MEGF9: variants seen among roughly 807,000 people sequenced by gnomAD.
MEGF9 encodes multiple EGF like domains 9, also known as multiple epidermal growth factor-like domains protein 9.
In MEGF9, 6 loss-of-function variants were observed where a neutral mutation model predicts 46.8. The observed-to-expected ratio is 0.13, with a 90% CI of 0.07 to 0.25. The LOEUF (loss-of-function observed/expected upper bound fraction) is 0.25. Among genes scored for constraint, MEGF9 ranks in the 10% least tolerant of loss-of-function variants. The pLI is 1.00. For missense variants in MEGF9, 683 were observed against 792.4 expected, an observed-to-expected ratio of 0.86 and a Z score of 1.66; for synonymous variants, 302 against 330.7, an observed-to-expected ratio of 0.91 and a Z score of 0.94.
chr9:120,694,061 G>T (rs2043863548), intron 1 of MEGF9, among the ~76,000 whole-genome samples: 1 of 152,162 alleles, frequency 6.6e-6, no homozygotes, highest in East Asian at 1.9e-4. Flanking sequence ...ACAGATATAT[G>T]ATATGGACAG....
intron 2 of MEGF9, among the ~76,000 whole-genome samples, chr9:120,649,349 A>G (rs559509236): frequency 2.6e-5 from 4 of 152,310 alleles, no homozygotes; most frequent in Admixed American, 2.6e-4. Context: ...GGAAGCTACT[A>G]TCTGTGTGGA....
intron 3 of MEGF9, among the ~76,000 whole-genome samples, chr9:120,618,883 G>A (rs1468611293): frequency 6.7e-6 from 1 of 149,544 alleles, no homozygotes; most frequent in Admixed American, 6.7e-5. Context: ...TGGTGACAGA[G>A]CAAGACTCGG....
Position 120,639,470 on chromosome 9 carries a change from T to C in MEGF9, c.804-16715A>G, listed in dbSNP as rs186276836. ...TTGCAATGAGCCGAGATTGTGCCAC[T>C]GCACTCCAGCCTGGGTGACAGAGTG... On this transcript the variant is annotated intron_variant, in intron 2 of 5. Transcript: ENST00000373930. 9.4e-5 allele frequency among the ~76,000 whole-genome samples: 13 copies of C among 137,868 alleles called. No individual in the cohort carries two copies. The East Asian group carries it at 2.7e-3, about 29-fold the overall frequency. 90.4% of individuals were successfully genotyped at this position (137,868 alleles called of 152,430 possible). A position where few individuals can be genotyped will look rare whatever the true frequency, so the allele number is the denominator to read the frequency against.
chr9:120,610,072 T>C lies in MEGF9; in HGVS notation c.1088-2062A>G, dbSNP rs148522741. Among the ~76,000 whole-genome samples, 32 of 152,256 alleles carry C rather than the reference T, an allele frequency of 2.1e-4. No homozygotes were observed. In the East Asian group the frequency reaches 5.8e-3, roughly 28 times the overall value. Reference sequence around the variant, plus strand: ...TGTGATCTCAAGTAAGTTACTAAACTCTGGGCCTCAGCTTTCCATATTTCA... The same window carrying C: ...TGTGATCTCAAGTAAGTTACTAAACCCTGGGCCTCAGCTTTCCATATTTCA... On this transcript the variant is annotated intron_variant, in intron 4 of 5. Coordinates refer to ENST00000373930, the MANE Select transcript of MEGF9 (RefSeq NM_001080497.3).
intron 1 of MEGF9, among the ~76,000 whole-genome samples, chr9:120,683,881 T>C (rs1336802476): frequency 6.6e-6 from 1 of 150,622 alleles, no homozygotes; most frequent in Non-Finnish European, 1.5e-5. Flanking sequence ...ACAACAGGAG[T>C]GAGACCCTGC....
At chr9:120,625,853 A>AGAAAG (rs35143977) in intron 2 of MEGF9, among the ~76,000 whole-genome samples, 593 of 105,356 alleles carry the variant, frequency 5.6e-3, no homozygotes, top group South Asian at 9.4e-3. Flanking sequence ...AAAAAAAAAA[A>AGAAAG]AAAGAAAGAA....
chr9:120,666,741 T>G (rs181960022), intron 1 of MEGF9, among the ~76,000 whole-genome samples: 27 of 152,284 alleles, frequency 1.8e-4, no homozygotes, highest in Admixed American at 5.2e-4. Flanking sequence ...AACCTGGAAA[T>G]CACCCAAATG....
At chr9:120,697,405 CA>C (rs1391117833) in intron 1 of MEGF9, among the ~76,000 whole-genome samples, 1 of 151,478 alleles carries the variant, frequency 6.6e-6, no homozygotes, top group African/African-American at 2.4e-5. Context: ...TTTATATAAT[CA>C]AACGTCATCT....
chr9:120,683,617 G>A (rs1000475356), intron 1 of MEGF9, among the ~76,000 whole-genome samples: 2 of 152,220 alleles, frequency 1.3e-5, no homozygotes, highest in African/African-American at 4.8e-5. Context: ...GTGGAACTGT[G>A]AGTCAATTAA....
intron 1 of MEGF9, among the ~76,000 whole-genome samples, chr9:120,685,947 T>C (rs1403993527): frequency 6.6e-6 from 1 of 152,222 alleles, no homozygotes; most frequent in East Asian, 1.9e-4. Context: ...GTCACTGTGT[T>C]AAGTGAAATA....
In MEGF9 at chr9:120,667,604, C is replaced by T. The variant is rs373995014; in HGVS notation, c.602-8029G>A. Among the ~76,000 whole-genome samples the T allele has an allele frequency of 1.4e-3, 219 of 152,240 alleles. 1 individual carries two copies. Among genetic ancestry groups the T allele is most frequent in the African/African-American group, 5.0e-3 (209 of 41,534 alleles). On this transcript the variant is annotated intron_variant, in intron 1 of 5. Transcript: ENST00000373930. Reference sequence around the variant, plus strand: ...AAGAACTTCACCCATTTTCACAAGCCTAGGATTGGATCCACAAAAATTACA... The same window carrying T: ...AAGAACTTCACCCATTTTCACAAGCTTAGGATTGGATCCACAAAAATTACA...
At chr9:120,670,199 C>T (rs1038263747) in intron 1 of MEGF9, among the ~76,000 whole-genome samples, 2 of 152,142 alleles carry the variant, frequency 1.3e-5, no homozygotes, top group Admixed American at 6.5e-5. Context: ...TGGATTCAAG[C>T]GATTCTCCTG....
chr9:120,685,566 A>T (rs1039913754), intron 1 of MEGF9, among the ~76,000 whole-genome samples: 2 of 152,168 alleles, frequency 1.3e-5, no homozygotes, highest in East Asian at 3.8e-4. Context: ...TTCACTTCTG[A>T]TTTCATACAT....
At chr9:120,701,912 C>G (rs772937090) in intron 1 of MEGF9, among the ~76,000 whole-genome samples, 22 of 151,920 alleles carry the variant, frequency 1.4e-4, no homozygotes, top group Non-Finnish European at 2.9e-4. Context: ...GTGTGGTGGC[C>G]GGCGCCTGTA....
At chr9:120,625,940 T>C (rs569701934) in intron 2 of MEGF9, among the ~76,000 whole-genome samples, 1 of 152,002 alleles carries the variant, frequency 6.6e-6, no homozygotes, top group South Asian at 2.1e-4. Flanking sequence ...ACACTCCCTT[T>C]CATGGTCTCT....
At position 120,621,993 on chromosome 9, in the gene MEGF9, T is replaced by G. The variant is rs150044486; in HGVS notation, c.943+623A>C. 1.1e-4 allele frequency among the ~76,000 whole-genome samples: 16 copies of G among 152,320 alleles called. No individual in the cohort carries two copies. The East Asian group carries it at 3.1e-3, about 29-fold the overall frequency. ...AGCTTAGGTCCCACTGCATGCACCC[T>G]CAGAGTCTGAAGACATCTTGAGGGG... On this transcript the variant is annotated intron_variant, in intron 3 of 5. Transcript: ENST00000373930.
intron 2 of MEGF9, among the ~76,000 whole-genome samples, chr9:120,637,056 C>T (rs1423397182): frequency 6.6e-6 from 1 of 152,216 alleles, no homozygotes. Flanking sequence ...AAGAAGTAGA[C>T]ATAGGAGACT....
chr9:120,617,283 T>C (rs960908099), intron 3 of MEGF9, among the ~76,000 whole-genome samples: 1 of 152,158 alleles, frequency 6.6e-6, no homozygotes, highest in Non-Finnish European at 1.5e-5. Flanking sequence ...GGACAAAACA[T>C]TGAAAACATA....
At chr9:120,606,658 C>T (rs747179501) in intron 5 of MEGF9, among the ~76,000 whole-genome samples, 4 of 152,092 alleles carry the variant, frequency 2.6e-5, no homozygotes, top group Non-Finnish European at 2.9e-5. Flanking sequence ...TTTTAAAGCT[C>T]GGTTTCCTTA....
Sources: allele counts gnomAD v4.1 joint callset (sites outside exome capture counted in the v4.1 genomes callset), GRCh38; gene constraint gnomAD v4.1.1; transcripts MANE v1.5; gene names NCBI Gene and HGNC (gene_info 2026-07-23, HGNC 2026-07-21).